NEBL: variants seen among roughly 807,000 people sequenced by gnomAD.
NEBL encodes LIM and SH3 protein 2.
In NEBL, 122 loss-of-function variants were observed where a neutral mutation model predicts 140.2. The observed-to-expected ratio is 0.87, with a 90% CI of 0.75 to 1.01. The LOEUF is 1.01. NEBL is among the 50% of genes least tolerant of loss of function. The pLI, the probability that NEBL is intolerant of heterozygous loss-of-function variation, is 0.00. For synonymous variants in NEBL, 436 were observed against 398.9 expected (o/e 1.09, Z -1.11); for missense variants, 1,365 against 1,231.3 (o/e 1.11, Z -1.62).
At chr10:20,860,838 T>C (rs978361123) in intron 7 of NEBL, among the ~76,000 whole-genome samples, 3 of 152,152 alleles carry the variant, frequency 2.0e-5, no homozygotes, top group African/African-American at 7.2e-5. Context: ...TAGGCATGCA[T>C]AGGGTGATGG....
chr10:21,253,049 C>T (rs1023520295), intron 1 of NEBL, among the ~76,000 whole-genome samples: 2 of 152,066 alleles, frequency 1.3e-5, no homozygotes, highest in Non-Finnish European at 1.5e-5. Context: ...ATCACCTGAG[C>T]GCAAGAGTTC....
intron 3 of NEBL, among the ~76,000 whole-genome samples, chr10:21,009,335 G>A (rs1448358002): frequency 6.6e-6 from 1 of 152,188 alleles, no homozygotes; most frequent in Admixed American, 6.5e-5. Context: ...TAACTCAGTA[G>A]CTAAAGATGC....
chr10:21,154,415 C>T (rs141182878), intron 2 of NEBL, among the ~76,000 whole-genome samples: 75 of 149,520 alleles, frequency 5.0e-4, no homozygotes, highest in African/African-American at 1.6e-3. Flanking sequence ...GCTGAAATCG[C>T]GCCACTGCAC....
chr10:20,944,964 C>G (rs1246342349), intron 4 of NEBL, among the ~76,000 whole-genome samples: 2 of 152,060 alleles, frequency 1.3e-5, no homozygotes, highest in African/African-American at 4.8e-5. Flanking sequence ...CCAAGTTGAC[C>G]ACAGGACTAG....
chr10:20,912,168 C>T (rs7907553), intron 4 of NEBL, among the ~76,000 whole-genome samples: 1 of 152,140 alleles, frequency 6.6e-6, no homozygotes, highest in Non-Finnish European at 1.5e-5. Flanking sequence ...AACTAGATAA[C>T]CAACACAACT....
chr10:21,009,852 T>C (rs1838268615), intron 3 of NEBL, among the ~76,000 whole-genome samples: 1 of 152,192 alleles, frequency 6.6e-6, no homozygotes, highest in Non-Finnish European at 1.5e-5. Flanking sequence ...GTAGGCTAGA[T>C]AATTTCTGCT....
At chr10:21,096,330 T>A (rs376445700) in intron 2 of NEBL, among the ~76,000 whole-genome samples, 31 of 152,310 alleles carry the variant, frequency 2.0e-4, no homozygotes, top group African/African-American at 7.5e-4. Flanking sequence ...ATATAAACCA[T>A]AATACAATTT....
intron 3 of NEBL, among the ~76,000 whole-genome samples, chr10:21,239,542 T>G (rs1246466285): frequency 1.3e-5 from 2 of 152,034 alleles, no homozygotes; most frequent in African/African-American, 4.8e-5. Context: ...ACCCAGAATT[T>G]TTAGAGTGCT....
chr10:21,233,653 C>T (rs1243234868), intron 3 of NEBL, among the ~76,000 whole-genome samples: 1 of 140,984 alleles, frequency 7.1e-6, no homozygotes, highest in Non-Finnish European at 1.5e-5. Flanking sequence ...TCTATATATA[C>T]ATATATAGAT....
At chr10:21,288,043 T>C (rs1843083420) in intron 1 of NEBL, among the ~76,000 whole-genome samples, 2 of 152,186 alleles carry the variant, frequency 1.3e-5, no homozygotes, top group Admixed American at 1.3e-4. Flanking sequence ...TGTATCCCCA[T>C]AGGATTGTGA....
chr10:21,240,261 A>G (rs1842422105), intron 3 of NEBL, among the ~76,000 whole-genome samples: 1 of 152,218 alleles, frequency 6.6e-6, no homozygotes, highest in South Asian at 2.1e-4. Flanking sequence ...TTACACACTG[A>G]AAATCCCTTT....
At chr10:21,111,354 C>T (rs1049075518) in intron 2 of NEBL, among the ~76,000 whole-genome samples, 23 of 152,078 alleles carry the variant, frequency 1.5e-4, no homozygotes, top group Admixed American at 1.3e-4. Context: ...TACTACAAGG[C>T]TACAGTAAAA....
chr10:21,089,509 G>A (rs954535596), intron 2 of NEBL, among the ~76,000 whole-genome samples: 13 of 152,072 alleles, frequency 8.5e-5, no homozygotes, highest in Admixed American at 6.5e-5. Flanking sequence ...GGGGTGACAC[G>A]GGTGAGTGTG....
intron 2 of NEBL, chr10:21,112,700 C>A (rs988219271): frequency 9.1e-5 from 14 of 153,334 alleles, no homozygotes; most frequent in Middle Eastern, 3.4e-3. Context: ...ATATAACAAA[C>A]CTGTGCATTG....
intron 3 of NEBL, among the ~76,000 whole-genome samples, chr10:21,006,378 C>T (rs1838140153): frequency 1.3e-5 from 2 of 151,960 alleles, no homozygotes; most frequent in Non-Finnish European, 2.9e-5. Flanking sequence ...TTTTTTAAGG[C>T]AGTAAGAGTT....
At chr10:21,079,311 AT>A (rs1170313879) in intron 2 of NEBL, among the ~76,000 whole-genome samples, 3 of 152,246 alleles carry the variant, frequency 2.0e-5, no homozygotes, top group Non-Finnish European at 4.4e-5. Context: ...TTTTAAAAAA[AT>A]ACAAGATAAA....
intron 4 of NEBL, among the ~76,000 whole-genome samples, chr10:20,910,173 T>C (rs762129467): frequency 6.6e-6 from 1 of 152,208 alleles, no homozygotes; most frequent in Non-Finnish European, 1.5e-5. Context: ...GTTGAGGACA[T>C]ACTTTTTTAA....
intron 2 of NEBL, among the ~76,000 whole-genome samples, chr10:21,127,070 C>T (rs1041064758): frequency 1.3e-5 from 2 of 151,190 alleles, no homozygotes; most frequent in Admixed American, 6.6e-5. Flanking sequence ...CACTCAAACG[C>T]ATCCATGGTT....
chr10:20,870,241 G>A (rs1029399973), intron 5 of NEBL, among the ~76,000 whole-genome samples: 3 of 147,670 alleles, frequency 2.0e-5, no homozygotes, highest in African/African-American at 2.5e-5. Flanking sequence ...AAGGAAAATC[G>A]CTCAAACCCG....
Sources: gnomAD v4.1 joint callset for allele counts (sites outside exome capture counted in the v4.1 genomes callset) on GRCh38, gnomAD v4.1.1 for gene constraint, MANE v1.5 for transcripts, NCBI Gene and HGNC (gene_info 2026-07-23, HGNC 2026-07-21) for gene names.